Variants in POC1B observed in about 807,000 individuals in gnomAD.
POC1B encodes the protein POC1 centriolar protein B, also known as POC1 centriolar protein homolog B.
In POC1B, 44 loss-of-function variants were observed where a neutral mutation model predicts 60.6. The ratio of observed to expected loss-of-function variants is 0.73; its 90% CI spans 0.57 to 0.93. The LOEUF is 0.93. Among genes scored for constraint, POC1B ranks in the 40% least tolerant of loss-of-function variants. The pLI is 0.00. For missense variants in POC1B, 555 were observed against 572.3 expected, an observed-to-expected ratio of 0.97 and a Z score of 0.31; for synonymous variants, 180 against 198.9, an observed-to-expected ratio of 0.90 and a Z score of 0.80.
intron 3 of POC1B, 52 bp from the exon 4 acceptor site, chr12:89,492,167 ATACT>A (rs763806689): frequency 7.7e-6 from 10 of 1,307,082 alleles, no homozygotes; most frequent in Admixed American, 5.4e-5. Context: ...ATTATAGTTA[ATACT>A]TAATCACAAT....
chr12:89,470,110 G>T (rs1417305330), intron 7 of POC1B, among the ~76,000 whole-genome samples: 1 of 152,040 alleles, frequency 6.6e-6, no homozygotes, highest in African/African-American at 2.4e-5. Context: ...GACCTCAGGT[G>T]ATCTGCCCGC....
chr12:89,501,602 T>C, intron 2 of POC1B: 2 of 1,363,178 alleles, frequency 1.5e-6, no homozygotes, highest in Non-Finnish European at 2.0e-6. Context: ...AAGAAGCGCT[T>C]TTCTAGTGAG....
rs376561774 is a variant in POC1B, at chr12:89,525,752, G to C, written c.15+129C>G. On this transcript the variant is annotated intron_variant, in intron 1 of 11. Transcript: ENST00000313546. The stretch of plus-strand genomic sequence containing the variant: ...TGAGATACGGACGCCCCGGGACGAG[G>C]GGCTCAGGACCCGGCTACGGACACC... The C allele has an allele frequency of 5.6e-4, 740 of 1,323,334 alleles. 5 individuals carry two copies. The African/African-American group carries it at 0.01, about 18-fold the overall frequency. 82.0% of individuals were successfully genotyped at this position (1,323,334 alleles called of 1,614,324 possible).
At chr12:89,418,810 T>C (rs914026016), downstream of POC1B, among the ~76,000 whole-genome samples, 3 of 152,236 alleles carry the variant, frequency 2.0e-5, no homozygotes, top group African/African-American at 7.2e-5. Flanking sequence ...ATCTGCACTA[T>C]GCTTCTTGTG....
chr12:89,454,138 A>C (rs1463111935), intron 10 of POC1B, among the ~76,000 whole-genome samples: 1 of 152,164 alleles, frequency 6.6e-6, no homozygotes, highest in Non-Finnish European at 1.5e-5. Flanking sequence ...GAAAACCACG[A>C]TTCTTTTTCT....
At chr12:89,426,082 T>G (rs1047904620) in intron 10 of POC1B, 1 of 152,224 alleles carries the variant, frequency 6.6e-6, no homozygotes, top group Non-Finnish European at 1.5e-5. Flanking sequence ...TTCTGATACA[T>G]GTTATAACAT....
intron 3 of POC1B, among the ~76,000 whole-genome samples, chr12:89,494,805 C>T (rs1224336326): frequency 6.6e-6 from 1 of 152,158 alleles, no homozygotes; most frequent in Non-Finnish European, 1.5e-5. Flanking sequence ...ACGCCATTGC[C>T]ACAACCCGCA....
chr12:89,464,802 GA>G (rs75294490), intron 9 of POC1B, among the ~76,000 whole-genome samples: 14,914 of 124,098 alleles, frequency 0.12, 807 homozygotes, highest in Middle Eastern at 0.17. Context: ...ATTTTTTCAG[GA>G]AAAAAAAAAA....
chr12:89,480,920 G>C (rs947793518), intron 4 of POC1B, among the ~76,000 whole-genome samples: 3 of 151,576 alleles, frequency 2.0e-5, no homozygotes, highest in Non-Finnish European at 4.4e-5. Context: ...ATTTTTAATA[G>C]AGATGGGGTT....
intron 2 of POC1B, among the ~76,000 whole-genome samples, chr12:89,498,941 G>T (rs1869395140): frequency 6.6e-6 from 1 of 152,168 alleles, no homozygotes. Flanking sequence ...ACTCATCAAT[G>T]TTAGGTGGGG....
At chr12:89,483,977 C>T (rs976753645) in intron 4 of POC1B, among the ~76,000 whole-genome samples, 4 of 152,164 alleles carry the variant, frequency 2.6e-5, no homozygotes, top group Admixed American at 6.5e-5. Context: ...TGTGAGCTTA[C>T]GCCATATGCA....
At chr12:89,415,764 C>T (rs900903757), downstream of POC1B, among the ~76,000 whole-genome samples, 1 of 152,156 alleles carries the variant, frequency 6.6e-6, no homozygotes, top group Non-Finnish European at 1.5e-5. Context: ...TTATTTTCAC[C>T]TTTTATGGTT....
At chr12:89,452,324 G>C (rs894149834) in intron 10 of POC1B, among the ~76,000 whole-genome samples, 1 of 152,034 alleles carries the variant, frequency 6.6e-6, no homozygotes, top group African/African-American at 2.4e-5. Context: ...TCCCAGAAAC[G>C]TGCTAATTTT....
chr12:89,524,538 C>G, intron 2 of POC1B: 1 of 1,611,414 alleles, frequency 6.2e-7, no homozygotes, highest in Non-Finnish European at 8.5e-7. Context: ...CCCAAGTCCA[C>G]CTCACCGCCA....
intron 4 of POC1B, among the ~76,000 whole-genome samples, chr12:89,490,042 C>G (rs1399091564): frequency 6.6e-6 from 1 of 152,162 alleles, no homozygotes; most frequent in Non-Finnish European, 1.5e-5. Context: ...CTGGAGCCGG[C>G]AGGGACCTGG....
chr12:89,436,646 G>A (rs1226910478), intron 10 of POC1B, among the ~76,000 whole-genome samples: 9 of 151,988 alleles, frequency 5.9e-5, no homozygotes, highest in African/African-American at 1.9e-4. Context: ...CCTGGGAGAC[G>A]GAGGTTGCAG....
chr12:89,523,188 C>A (rs372635919), intron 2 of POC1B: 1 of 1,613,694 alleles, frequency 6.2e-7, no homozygotes, highest in East Asian at 2.2e-5. Context: ...AACATTCAGA[C>A]GAGATCCCTC....
intron 10 of POC1B, 99 bp downstream of exon 10, chr12:89,459,539 T>G (rs945829983): frequency 1.6e-6 from 1 of 638,274 alleles, no homozygotes; most frequent in Non-Finnish European, 2.4e-6. Context: ...ATAGGCCACG[T>G]TTTATCTCCT....
At chr12:89,434,010 A>G (rs1565895106) in intron 10 of POC1B, among the ~76,000 whole-genome samples, 1 of 152,140 alleles carries the variant, frequency 6.6e-6, no homozygotes, top group Non-Finnish European at 1.5e-5. Flanking sequence ...AAAAATGACA[A>G]TTTTCTGTCT....
Sources: allele counts gnomAD v4.1 joint callset (sites outside exome capture counted in the v4.1 genomes callset), GRCh38; gene constraint gnomAD v4.1.1; transcripts MANE v1.5; gene names NCBI Gene and HGNC (gene_info 2026-07-23, HGNC 2026-07-21).